Variants in PTPRU observed in about 807,000 individuals in gnomAD.
PTPRU encodes receptor-type tyrosine-protein phosphatase U.
In PTPRU, 69 loss-of-function variants were observed where a neutral mutation model predicts 166.3. That is an observed-to-expected ratio of 0.41 (90% CI 0.34 to 0.51). The LOEUF is 0.51. Ranked by LOEUF, PTPRU falls within the 20% of genes least tolerant of loss-of-function variation. The pLI, the probability that PTPRU is intolerant of heterozygous loss-of-function variation, is 0.09. For missense variants in PTPRU, 1,657 were observed against 2,013.7 expected, an observed-to-expected ratio of 0.82 and a Z score of 3.39; for synonymous variants, 793 against 814.0, an observed-to-expected ratio of 0.97 and a Z score of 0.44.
Position 29,238,159 on chromosome 1 carries a change from T to C in PTPRU, c.73+1442T>C, listed in dbSNP as rs182960232. 3.1e-3 allele frequency among the ~76,000 whole-genome samples: 476 copies of C among 151,478 alleles called. 5 individuals carry two copies. The highest frequency in any genetic ancestry group is 3.0e-3 in the Non-Finnish European group (200 of 67,774). ...GGGTGTGTTTCGGAGTCTGGTGTCTTTGGTGTGCGTGCGCGTGTGTGTGTG... is the reference window on the plus strand; with the variant it reads ...GGGTGTGTTTCGGAGTCTGGTGTCTCTGGTGTGCGTGCGCGTGTGTGTGTG... On this transcript the variant is annotated intron_variant, in intron 1 of 29. Coordinates refer to ENST00000373779, the MANE Select transcript of PTPRU (RefSeq NM_133178.4). This position sits in a 1 kb window ranked among gnomAD's most constrained non-coding sequence, Gnocchi z 6.1.
At chr1:29,325,518 T>A (rs1688371821) in intron 29 of PTPRU, 81 bp from the exon 30 acceptor site, 1 of 1,525,752 alleles carries the variant, frequency 6.6e-7, no homozygotes, top group Non-Finnish European at 9.0e-7. Flanking sequence ...GTGCTTGCCC[T>A]CTCACTCCCC....
intron 21 of PTPRU, 117 bp from the exon 22 acceptor site, chr1:29,312,435 T>C: frequency 1.0e-6 from 1 of 979,772 alleles, no homozygotes; most frequent in East Asian, 2.6e-5. Context: ...AATTGATCAT[T>C]GGGATTAGTT....
Position 29,320,421 on chromosome 1 carries a change from C to T in PTPRU, c.3688-264C>T, listed in dbSNP as rs1688100538. On this transcript the variant is annotated intron_variant, in intron 25 of 29. Coordinates refer to ENST00000373779, the MANE Select transcript of PTPRU (RefSeq NM_133178.4). This position sits in a 1 kb window ranked among gnomAD's most constrained non-coding sequence, Gnocchi z 5.2. ...CCTTGAGCTCAGCCTCATGCCCAAG[C>T]TCCCCTCGCCATACCTTTGGAAACT... is the stretch of plus-strand genomic sequence containing the variant. 1 of 367,002 alleles carries T rather than the reference C, an allele frequency of 2.7e-6. No homozygotes were observed. The highest frequency in any genetic ancestry group is 4.1e-5 in the East Asian group (1 of 24,654). The allele number at this position is 367,002 out of a possible 1,614,324, so 22.7% of individuals were successfully genotyped here.
chr1:29,247,058 C>T (rs1684330076), intron 1 of PTPRU, among the ~76,000 whole-genome samples: 1 of 152,272 alleles, frequency 6.6e-6, no homozygotes, highest in African/African-American at 2.4e-5. Context: ...CTTCTTCACT[C>T]ACTGCCCCTT....
chr1:29,284,375 C>T (rs1041604260), intron 13 of PTPRU, among the ~76,000 whole-genome samples: 1 of 152,134 alleles, frequency 6.6e-6, no homozygotes, highest in Admixed American at 6.5e-5. Context: ...ATGGACTAAC[C>T]ATGCCCTAGG....
At position 29,282,850 on chromosome 1, in the gene PTPRU, C is replaced by T. The variant is rs762423778; in HGVS notation, c.2043C>T (p.Thr681=). The change falls in exon 12 of 30, where the codon ACC becomes ACT. Residue 681 remains threonine (T), a synonymous_variant. Transcript: ENST00000373779. ...GTCTACCTGAGGCCATGCCCTTTAC[C>T]GTGGGTGACAACCAGACCTACCGAG... ...ASSLPEAMPF[T]VGDNQTYRGF... is the part of the protein sequence containing the mutation. 2.6e-5 allele frequency: 42 copies of T among 1,614,156 alleles called. No homozygotes were observed. The highest frequency in any genetic ancestry group is 3.4e-5 in the Non-Finnish European group (40 of 1,180,008).
At chr1:29,254,347 T>A (rs1375124466) in intron 1 of PTPRU, among the ~76,000 whole-genome samples, 1 of 152,196 alleles carries the variant, frequency 6.6e-6, no homozygotes, top group Non-Finnish European at 1.5e-5. Context: ...CACTAAGATA[T>A]ATGGACCTCA....
Position 29,260,917 on chromosome 1 carries a change from C to T in PTPRU, c.1144+14C>T, listed in dbSNP as rs1430169831. The T allele has an allele frequency of 2.0e-6, 3 of 1,529,828 alleles. No homozygotes were observed. The highest frequency in any genetic ancestry group is 2.6e-6 in the Non-Finnish European group (3 of 1,143,002). 94.8% of individuals were successfully genotyped at this position (1,529,828 alleles called of 1,614,324 possible). A position where few individuals can be genotyped will look rare whatever the true frequency, so the allele number is the denominator to read the frequency against. On this transcript the variant is annotated intron_variant, in intron 7 of 29. Coordinates refer to ENST00000373779, the MANE Select transcript of PTPRU (RefSeq NM_133178.4). The surrounding 1 kb of genome is among the most constrained non-coding windows in gnomAD (Gnocchi z 8.3). ...CCAAATGCGCAGGTGGGTGCAGCAG[C>T]TACCCCTGGCCTCAGTCTCTGGTGG...
intron 8 of PTPRU, 79 bp from the exon 9 acceptor site, chr1:29,278,933 C>A: frequency 8.8e-7 from 1 of 1,136,750 alleles, no homozygotes; most frequent in Non-Finnish European, 1.3e-6. Context: ...AGGTAGGAAG[C>A]GGCAAGGCTG....
chr1:29,313,864 AT>A (rs551452281), intron 22 of PTPRU, among the ~76,000 whole-genome samples: 441 of 151,224 alleles, frequency 2.9e-3, no homozygotes, highest in Non-Finnish European at 3.2e-3. Context: ...CTAAAAAAAA[AT>A]TTTTTTTTAA....
rs1390760841 is a variant in PTPRU at position 29,315,970 on chromosome 1, C to T, written c.3364-32C>T. On this transcript the variant is annotated intron_variant, in intron 23 of 29. Transcript: ENST00000373779. The surrounding 1 kb of genome is among the most constrained non-coding windows in gnomAD (Gnocchi z 4.5). ...CCACAGATCTCCAGCTTCTAGGCCC[C>T]TCCTCGGCCTCATTCTCATCTCCTG... The T allele has an allele frequency of 6.2e-7, 1 of 1,611,706 alleles. No homozygotes were observed. The highest frequency in any genetic ancestry group is 1.1e-5 in the South Asian group (1 of 90,766).
intron 14 of PTPRU, among the ~76,000 whole-genome samples, chr1:29,290,007 C>T (rs1473181419): frequency 6.6e-6 from 1 of 152,228 alleles, no homozygotes; most frequent in Non-Finnish European, 1.5e-5. Context: ...GTCCCCTTCA[C>T]CACCAGAGCA....
chr1:29,282,189 C>T (rs992636514), intron 11 of PTPRU, among the ~76,000 whole-genome samples: 11 of 152,222 alleles, frequency 7.2e-5, no homozygotes, highest in Admixed American at 7.2e-4. Flanking sequence ...GGCTCATAGT[C>T]TGAGCTCAGT....
intron 8 of PTPRU, among the ~76,000 whole-genome samples, chr1:29,278,772 A>G (rs1338557170): frequency 6.6e-6 from 1 of 152,278 alleles, no homozygotes; most frequent in East Asian, 1.9e-4. Flanking sequence ...AGTACTTAGT[A>G]ATAGGTTGAA....
In PTPRU at chr1:29,260,962, C is replaced by T. The variant is rs560338310; in HGVS notation, c.1144+59C>T. 1.4e-6 allele frequency: 2 copies of T among 1,451,534 alleles called. No individual in the cohort carries two copies. Among genetic ancestry groups the T allele is most frequent in the Middle Eastern group, 1.8e-4 (1 of 5,440 alleles). 89.9% of individuals were successfully genotyped at this position (1,451,534 alleles called of 1,614,324 possible). ...TGGTGGGCCCAGGGCTATGGAGGGG[C>T]GCATTCGAGAGGTAGCGTGGCCTGT... is the stretch of plus-strand genomic sequence containing the variant. On this transcript the variant is annotated intron_variant, in intron 7 of 29. Coordinates refer to ENST00000373779, the MANE Select transcript of PTPRU (RefSeq NM_133178.4). The surrounding 1 kb of genome is among the most constrained non-coding windows in gnomAD (Gnocchi z 8.3).
intron 2 of PTPRU, 111 bp downstream of exon 2, chr1:29,255,517 A>C: frequency 6.9e-7 from 1 of 1,446,422 alleles, no homozygotes; most frequent in Non-Finnish European, 9.5e-7. Flanking sequence ...CCCCATCTAC[A>C]TTTGCATCTT....
intron 13 of PTPRU, 99 bp downstream of exon 13, chr1:29,284,075 G>C: frequency 6.7e-7 from 1 of 1,496,466 alleles, no homozygotes; most frequent in Non-Finnish European, 9.3e-7. Context: ...TGGGAGTAGA[G>C]GAGGGTGGTT....
chr1:29,252,177 C>T (rs1211747069), intron 1 of PTPRU, among the ~76,000 whole-genome samples: 1 of 152,176 alleles, frequency 6.6e-6, no homozygotes, highest in Non-Finnish European at 1.5e-5. Flanking sequence ...TCCTCACACC[C>T]ACATCTCACC....
rs532626872 is a variant in PTPRU at position 29,291,116 on chromosome 1, C to T, written c.2319-753C>T. On this transcript the variant is annotated intron_variant, in intron 14 of 29. Coordinates refer to ENST00000373779, the MANE Select transcript of PTPRU (RefSeq NM_133178.4). The surrounding 1 kb of genome is among the most constrained non-coding windows in gnomAD (Gnocchi z 4.1). ...GAAGTCACAAACTGCCATCCTCATC[C>T]GTGAAGCTGGGCCTGGAGGGAGAGG... 6.6e-5 allele frequency among the ~76,000 whole-genome samples: 10 copies of T among 152,320 alleles called. No individual in the cohort carries two copies. The highest frequency in any genetic ancestry group is 5.8e-4 in the East Asian group (3 of 5,178).
Sources: gnomAD v4.1 joint callset for allele counts (sites outside exome capture counted in the v4.1 genomes callset) on GRCh38, gnomAD v4.1.1 for gene constraint, Gnocchi (gnomAD v3.1) non-coding constraint, MANE v1.5 for transcripts, NCBI Gene and HGNC (gene_info 2026-07-23, HGNC 2026-07-21) for gene names.